NRAP: variants seen among roughly 807,000 people sequenced by gnomAD.
NRAP encodes the protein nebulin related anchoring protein.
A neutral mutation model predicts 225.9 loss-of-function variants in NRAP; 189 were observed. The ratio of observed to expected loss-of-function variants is 0.84; its 90% CI spans 0.74 to 0.94. The LOEUF is 0.94. Ranked by LOEUF, NRAP falls within the 40% of genes least tolerant of loss-of-function variation. The pLI is 0.00. For missense variants in NRAP, 2,176 were observed against 2,168.7 expected (o/e 1.00, Z -0.07); for synonymous variants, 769 against 790.7 (o/e 0.97, Z 0.46).
intron 20 of NRAP, among the ~76,000 whole-genome samples, chr10:113,627,292 T>A (rs113047097): frequency 3.3e-5 from 5 of 152,228 alleles, no homozygotes; most frequent in African/African-American, 7.2e-5. Flanking sequence ...AGACTATGCA[T>A]TGGTCAAATC....
intron 15 of NRAP, among the ~76,000 whole-genome samples, chr10:113,633,881 G>C (rs532513375): frequency 6.6e-6 from 1 of 152,308 alleles, no homozygotes; most frequent in East Asian, 1.9e-4. Context: ...GATGGCTGTT[G>C]AAGATGGGTG....
intron 16 of NRAP, 123 bp downstream of exon 16, chr10:113,632,961 A>G (rs2134045260): frequency 1.5e-6 from 1 of 673,796 alleles, no homozygotes; most frequent in East Asian, 2.7e-5. Context: ...TTACAACTTG[A>G]TGGATGCCTC....
At chr10:113,636,957 C>A (rs3127097) in intron 14 of NRAP, among the ~76,000 whole-genome samples, 131,097 of 149,562 alleles carry the variant, frequency 0.88, 57,430 homozygotes, top group East Asian at 0.91. Context: ...CAGTGAGCCA[C>A]GATCATGCCA....
intron 41 of NRAP, 97 bp from the exon 42 acceptor site, chr10:113,589,176 A>G: frequency 2.1e-6 from 2 of 936,778 alleles, no homozygotes; most frequent in African/African-American, 1.6e-5. Context: ...CACAGGGAGC[A>G]TTTAACAGGC....
chr10:113,595,832 C>T (rs926768222), intron 37 of NRAP, 105 bp from the exon 38 acceptor site: 57 of 735,180 alleles, frequency 7.8e-5, no homozygotes, highest in African/African-American at 4.3e-4. Context: ...GAGTGCCCAC[C>T]GCATAGAACA....
chr10:113,589,892 G>A (rs967796564), intron 40 of NRAP, 95 bp from the exon 41 acceptor site: 2 of 1,370,736 alleles, frequency 1.5e-6, no homozygotes, highest in Non-Finnish European at 2.0e-6. Flanking sequence ...GCCACAGTAT[G>A]AGACTATGTT....
intron 6 of NRAP, among the ~76,000 whole-genome samples, chr10:113,652,149 A>G (rs1470344501): frequency 4.5e-5 from 6 of 134,612 alleles, no homozygotes; most frequent in Non-Finnish European, 9.9e-5. Flanking sequence ...CTCCATAACA[A>G]TCATATTTGG....
At chr10:113,623,875 C>A (rs1012695468) in intron 22 of NRAP, among the ~76,000 whole-genome samples, 1 of 152,184 alleles carries the variant, frequency 6.6e-6, no homozygotes, top group African/African-American at 2.4e-5. Flanking sequence ...GAAGCCTTAA[C>A]AAATACTAGG....
At chr10:113,643,066 A>C (rs747221567) in intron 11 of NRAP, 28 bp from the exon 12 acceptor site, 4 of 1,091,596 alleles carry the variant, frequency 3.7e-6, no homozygotes, top group East Asian at 2.4e-5. Flanking sequence ...CAGACACACA[A>C]TAGAACCAAA....
chr10:113,615,187 G>A (rs1176688866), intron 27 of NRAP, among the ~76,000 whole-genome samples: 1 of 152,112 alleles, frequency 6.6e-6, no homozygotes, highest in African/African-American at 2.4e-5. Context: ...GAGGGGAGAG[G>A]AAGCAAAGGC....
chr10:113,605,019 GA>G (rs1163275530), intron 34 of NRAP, 99 bp from the exon 35 acceptor site: 1 of 1,348,258 alleles, frequency 7.4e-7, no homozygotes, highest in Non-Finnish European at 1.0e-6. Flanking sequence ...ATGATTATAA[GA>G]AAAACCACAG....
In NRAP at chr10:113,615,779, T is replaced by C. The variant is rs376065257; in HGVS notation, c.3011A>G (p.His1004Arg). 1,173 of 1,609,770 alleles carry C rather than the reference T, an allele frequency of 7.3e-4. 14 individuals are homozygous for C. The South Asian group carries it at 0.011, about 15-fold the overall frequency. The change falls in exon 27 of 42, where the codon CAT becomes CGT. Residue 1004 changes from histidine to arginine, a missense_variant. This residue lies in a region of NRAP where 1,708 missense variants were observed against 1,695.5 expected (regional missense o/e 1.01). Coordinates refer to ENST00000359988, the MANE Select transcript of NRAP (RefSeq NM_198060.4). Reference protein sequence around the residue: ...YREQGENIKHHYTPTADLPEV... With the variant: ...YREQGENIKHRYTPTADLPEV... Reference sequence around the variant, plus strand: ...AGGGAGGTCAGCAGTCGGTGTGTAATGATGCTTTATGTTTTCTCCTTGTTC... The same window carrying C: ...AGGGAGGTCAGCAGTCGGTGTGTAACGATGCTTTATGTTTTCTCCTTGTTC...
At chr10:113,654,507 C>CAAAAAAAAAAAAAAAA (rs56238053) in intron 4 of NRAP, among the ~76,000 whole-genome samples, 1 of 128,696 alleles carries the variant, frequency 7.8e-6, no homozygotes. Flanking sequence ...GCAATAAAAG[C>CAAAAAAAAAAAAAAAA]AAAAAAAAAA....
In NRAP at chr10:113,662,736, A is replaced by G. The variant is rs1296264264; in HGVS notation, c.198T>C (p.Ser66=). 2 of 1,600,436 alleles carry G rather than the reference A, an allele frequency of 1.2e-6. No individual in the cohort carries two copies. Among genetic ancestry groups the G allele is most frequent in the Admixed American group, 1.7e-5 (1 of 59,724 alleles). The change falls in exon 3 of 42, where the codon AGT becomes AGC. Residue 66 remains serine, a synonymous_variant. Transcript: ENST00000359988. ...TTAGATTTAATGGAGTGTGATAGAC[A>G]CTGGTGAAAGTGTTGTTCTTAGGGT... ...AHNPKNNTFT[S]VYHTPLNLNV... is the part of the protein sequence containing the mutation.
chr10:113,637,152 C>T (rs1427391309), intron 14 of NRAP, among the ~76,000 whole-genome samples: 1 of 152,174 alleles, frequency 6.6e-6, no homozygotes, highest in African/African-American at 2.4e-5. Context: ...GTCCTAACAC[C>T]AGCTCATCAT....
intron 15 of NRAP, 74 bp from the exon 16 acceptor site, chr10:113,633,262 C>T (rs1221647303): frequency 6.2e-6 from 5 of 805,996 alleles, no homozygotes; most frequent in Admixed American, 3.8e-5. Flanking sequence ...ATAGCTCTTT[C>T]CCCCTTAGAC....
intron 9 of NRAP, among the ~76,000 whole-genome samples, chr10:113,647,541 C>CA (rs1564752541): frequency 3.6e-5 from 3 of 82,552 alleles, no homozygotes; most frequent in African/African-American, 1.1e-4. Flanking sequence ...CTGTCTCCCC[C>CA]GGTGGTACTG....
At chr10:113,652,283 C>CA (rs1425858242) in intron 6 of NRAP, among the ~76,000 whole-genome samples, 3 of 152,156 alleles carry the variant, frequency 2.0e-5, no homozygotes, top group African/African-American at 7.2e-5. Context: ...ATTCTGGCTC[C>CA]AAAATCTAAG....
chr10:113,634,552 C>A (rs567741756), intron 14 of NRAP, among the ~76,000 whole-genome samples: 1 of 152,196 alleles, frequency 6.6e-6, no homozygotes, highest in East Asian at 1.9e-4. Flanking sequence ...CTGCTGGTAA[C>A]ACAAAGTGTT....
Sources: allele counts gnomAD v4.1 joint callset (sites outside exome capture counted in the v4.1 genomes callset), GRCh38; gene constraint gnomAD v4.1.1; regional missense constraint gnomAD v4.1.1; transcripts MANE v1.5; gene names NCBI Gene and HGNC (gene_info 2026-07-23, HGNC 2026-07-21).